The following SESN1 variants were observed in gnomAD, a reference collection of about 807,000 sequenced individuals.
SESN1 encodes the protein sestrin 1, also known as sestrin-1.
Under a neutral mutation model 59.3 loss-of-function variants are expected in SESN1, and 30 were observed. That is an observed-to-expected ratio of 0.51 (90% confidence interval 0.38 to 0.69). The LOEUF (loss-of-function observed/expected upper bound fraction) is 0.69. Ranked by LOEUF, SESN1 falls within the 30% of genes least tolerant of loss-of-function variation. The probability of loss-of-function intolerance (pLI) is 0.00; values close to 1 mark genes in which losing one functional copy is unlikely to be tolerated. For synonymous variants in SESN1, 197 were observed against 219.9 expected (o/e 0.90, Z 0.92); for missense variants, 566 against 673.0 (o/e 0.84, Z 1.76).
intron 1 of SESN1, among the ~76,000 whole-genome samples, chr6:109,080,132 C>T (rs142330757): frequency 1.2e-4 from 18 of 152,232 alleles, no homozygotes; most frequent in African/African-American, 1.7e-4. Context: ...AAAACCAGTA[C>T]TTTTCCACTA....
At chr6:109,088,408 G>A (rs1255944050) in intron 1 of SESN1, among the ~76,000 whole-genome samples, 1 of 151,634 alleles carries the variant, frequency 6.6e-6, no homozygotes, top group Non-Finnish European at 1.5e-5. Flanking sequence ...ACTAGATACT[G>A]CAACTCCAAC....
intron 1 of SESN1, among the ~76,000 whole-genome samples, chr6:109,011,825 C>T (rs1056994035): frequency 2.0e-5 from 3 of 151,850 alleles, no homozygotes; most frequent in African/African-American, 4.8e-5. Context: ...GATAGGGTCT[C>T]ATTATGTTGT....
intron 1 of SESN1, chr6:109,008,697 G>A (rs1583270003): frequency 1.2e-6 from 1 of 817,918 alleles, no homozygotes; most frequent in Middle Eastern, 6.2e-4. Flanking sequence ...CTTTCAAATG[G>A]TTTCCTATTT....
At chr6:109,014,847 C>T (rs564068034) in intron 1 of SESN1, among the ~76,000 whole-genome samples, 95 of 152,204 alleles carry the variant, frequency 6.2e-4, no homozygotes, top group African/African-American at 2.2e-3. Flanking sequence ...AAAAGTGGTA[C>T]GTTTTAGGAA....
chr6:109,046,881 G>A (rs1245667850), intron 1 of SESN1, among the ~76,000 whole-genome samples: 2 of 125,774 alleles, frequency 1.6e-5, no homozygotes, highest in African/African-American at 2.9e-5. Context: ...GAGCCCCTCC[G>A]TCCGGCAGCT....
intron 1 of SESN1, among the ~76,000 whole-genome samples, chr6:109,028,588 G>T (rs1047114629): frequency 2.6e-5 from 4 of 151,642 alleles, no homozygotes; most frequent in Non-Finnish European, 4.4e-5. Flanking sequence ...AATACTAGGG[G>T]GTAAGACAGG....
rs1779193884 is a variant in SESN1 at position 108,986,413 on chromosome 6, T to A, written c.*1131A>T. 1 of 152,660 alleles carries A rather than the reference T, an allele frequency of 6.6e-6. No homozygotes were observed. Among genetic ancestry groups the A allele is most frequent in the African/African-American group, 2.4e-5 (1 of 41,458 alleles). The allele number at this position is 152,660 out of a possible 1,614,324, so 9.5% of individuals were successfully genotyped here. ...TTATTACTAATAGTGAAGTCATGAT[T>A]TTTTAAGAGATTGAGACAGCAAATA... On this transcript the variant is annotated 3_prime_UTR_variant, in exon 10 of 10. Coordinates refer to ENST00000436639, the MANE Select transcript of SESN1 (RefSeq NM_014454.3).
chr6:109,035,171 C>A (rs1780232085), intron 1 of SESN1, among the ~76,000 whole-genome samples: 1 of 152,092 alleles, frequency 6.6e-6, no homozygotes, highest in Admixed American at 6.6e-5. Flanking sequence ...ACTCTAGGGT[C>A]CATTTTGCTT....
chr6:109,092,635 T>C (rs767848437), intron 1 of SESN1, among the ~76,000 whole-genome samples: 4 of 152,116 alleles, frequency 2.6e-5, no homozygotes, highest in Non-Finnish European at 5.9e-5. Context: ...TGCACAACAA[T>C]AGTTGATATG....
intron 7 of SESN1, among the ~76,000 whole-genome samples, chr6:108,991,294 T>C (rs1779379348): frequency 6.6e-6 from 1 of 151,960 alleles, no homozygotes; most frequent in African/African-American, 2.4e-5. Context: ...CAGGCTAGAG[T>C]ACAATGGTAT....
intron 1 of SESN1, among the ~76,000 whole-genome samples, chr6:109,076,967 C>A (rs1182253638): frequency 1.3e-5 from 2 of 152,168 alleles, no homozygotes; most frequent in African/African-American, 4.8e-5. Context: ...CTCTACTACA[C>A]ACCTAGGCTT....
intron 1 of SESN1, among the ~76,000 whole-genome samples, chr6:109,060,058 G>A (rs1780706437): frequency 6.6e-6 from 1 of 151,892 alleles, no homozygotes; most frequent in Admixed American, 6.6e-5. Flanking sequence ...CTAGGCCTCT[G>A]TTAATCACAC....
chr6:109,077,594 C>T (rs573862823), intron 1 of SESN1, among the ~76,000 whole-genome samples: 5 of 152,318 alleles, frequency 3.3e-5, no homozygotes, highest in Admixed American at 2.6e-4. Context: ...GTGTGACCCA[C>T]ATGATCAGAC....
chr6:108,984,482 T>C lies in SESN1; in HGVS notation c.*3062A>G, dbSNP rs1779128516. Among the ~76,000 whole-genome samples, 1 of 152,148 alleles carries C rather than the reference T, an allele frequency of 6.6e-6. No individual in the cohort carries two copies. The highest frequency in any genetic ancestry group is 6.6e-5 in the Admixed American group (1 of 15,260). On this transcript the variant is annotated 3_prime_UTR_variant, in exon 10 of 10. Transcript: ENST00000436639. ...CCTCTATTAAAGGGCACTAATCCCA[T>C]TCATGAGAGCAGAGCCCTCTTGATC...
chr6:108,997,007 G>T (rs570385768), intron 5 of SESN1, among the ~76,000 whole-genome samples: 4 of 144,676 alleles, frequency 2.8e-5, no homozygotes, highest in African/African-American at 7.4e-5. Flanking sequence ...AGAGAGTAAA[G>T]AAATGAATAA....
intron 1 of SESN1, among the ~76,000 whole-genome samples, chr6:109,036,102 T>C (rs974266111): frequency 7.2e-5 from 11 of 152,080 alleles, no homozygotes; most frequent in Non-Finnish European, 1.5e-5. Context: ...AGCCTCTTAT[T>C]AGGACCTTTT....
chr6:109,076,421 A>C (rs1583297478), intron 1 of SESN1, among the ~76,000 whole-genome samples: 1 of 152,182 alleles, frequency 6.6e-6, no homozygotes, highest in Non-Finnish European at 1.5e-5. Flanking sequence ...CTTTAATGTA[A>C]ATTTTACAAC....
At chr6:109,017,138 G>T (rs1477391239) in intron 1 of SESN1, among the ~76,000 whole-genome samples, 1 of 152,076 alleles carries the variant, frequency 6.6e-6, no homozygotes, top group East Asian at 1.9e-4. Context: ...ATGAACTGTT[G>T]TAGTTCCCAC....
At position 108,986,480 on chromosome 6, in the gene SESN1, T is replaced by TACTG. The variant is rs772437572; in HGVS notation, c.*1060_*1063dup. ...CTTCTTTATTTAAAAATACCAGTAATACTGACAGACTTCAAAAGCAATTCA... is the reference window on the plus strand; with the variant it reads ...CTTCTTTATTTAAAAATACCAGTAATACTGACTGACAGACTTCAAAAGCAATTCA... On this transcript the variant is annotated 3_prime_UTR_variant, in exon 10 of 10. Coordinates refer to ENST00000436639, the MANE Select transcript of SESN1 (RefSeq NM_014454.3). 5.2e-5 allele frequency: 8 copies of TACTG among 152,666 alleles called. No homozygotes were observed. Among genetic ancestry groups the TACTG allele is most frequent in the African/African-American group, 9.6e-5 (4 of 41,460 alleles). The allele number at this position is 152,666 out of a possible 1,614,324, so 9.5% of individuals were successfully genotyped here. A position where few individuals can be genotyped will look rare whatever the true frequency, so the allele number is the denominator to read the frequency against.
Sources: allele counts gnomAD v4.1 joint callset (sites outside exome capture counted in the v4.1 genomes callset), GRCh38; gene constraint gnomAD v4.1.1; transcripts MANE v1.5; gene names NCBI Gene and HGNC (gene_info 2026-07-23, HGNC 2026-07-21).